TCF7: variants seen among roughly 807,000 people sequenced by gnomAD.
The protein encoded by TCF7 is transcription factor 7.
TCF7 carries 19 observed loss-of-function variants against 46.8 expected under a neutral mutation model. The ratio of observed to expected loss-of-function variants is 0.41; its 90% CI spans 0.28 to 0.60. TCF7 has a LOEUF of 0.60. Among genes scored for constraint, TCF7 ranks in the 20% least tolerant of loss-of-function variants. The probability of loss-of-function intolerance (pLI) is 0.35; values close to 1 mark genes in which losing one functional copy is unlikely to be tolerated. For missense variants in TCF7, 547 were observed against 504.6 expected (o/e 1.08, Z -0.81); for synonymous variants, 245 against 213.4 (o/e 1.15, Z -1.29).
chr5:134,119,232 C>T (rs564051232), intron 3 of TCF7, among the ~76,000 whole-genome samples: 6 of 152,304 alleles, frequency 3.9e-5, no homozygotes, highest in African/African-American at 1.2e-4. Context: ...GAGTCTGTAG[C>T]TTAGACAGAT....
intron 3 of TCF7, among the ~76,000 whole-genome samples, chr5:134,122,984 G>A (rs534406843): frequency 6.6e-6 from 1 of 152,318 alleles, no homozygotes; most frequent in African/African-American, 2.4e-5. Context: ...TTGGCTGGGT[G>A]GCCCTGGGTG....
chr5:134,132,511 C>T (rs1758270940), intron 3 of TCF7, among the ~76,000 whole-genome samples: 1 of 152,204 alleles, frequency 6.6e-6, no homozygotes, highest in African/African-American at 2.4e-5. Context: ...TATCCCCTAC[C>T]CCCCACAGGC....
intron 3 of TCF7, among the ~76,000 whole-genome samples, chr5:134,119,767 G>A (rs561059082): frequency 4.0e-4 from 61 of 152,378 alleles, no homozygotes; most frequent in African/African-American, 8.7e-4. Flanking sequence ...GCTGATGCAC[G>A]GCCAGCCTGT....
At chr5:134,122,852 T>A (rs1756795965) in intron 3 of TCF7, among the ~76,000 whole-genome samples, 1 of 152,188 alleles carries the variant, frequency 6.6e-6, no homozygotes, top group Non-Finnish European at 1.5e-5. Flanking sequence ...ATCCTCCTGC[T>A]GCAGGTGGGG....
At chr5:134,115,715 G>A in intron 2 of TCF7, 194 bp from the exon 3 acceptor site, 1 of 1,433,286 alleles carries the variant, frequency 7.0e-7, no homozygotes, top group Non-Finnish European at 9.1e-7. Context: ...GTCAAGTAGG[G>A]GCCACCTCGG....
In TCF7 at chr5:134,146,288, G is replaced by T; in HGVS notation, c.1140G>T (p.Pro380=). ...CCGCTGCCCCAGCCCCGTTCCTTCCGATGACAGTGCTCTAGGCTGCCCCGG... is the reference window on the plus strand; with the variant it reads ...CCGCTGCCCCAGCCCCGTTCCTTCCTATGACAGTGCTCTAGGCTGCCCCGG... The part of the protein sequence containing the change: ...EKAAAPAPFL[P]MTVL Residue 380 remains proline, a synonymous_variant, in exon 10 of 10, where the codon CCG becomes CCT. Coordinates refer to ENST00000342854, the MANE Select transcript of TCF7 (RefSeq NM_003202.5). 1 of 1,614,118 alleles carries T rather than the reference G, an allele frequency of 6.2e-7. No individual in the cohort carries two copies. Among genetic ancestry groups the T allele is most frequent in the Non-Finnish European group, 8.5e-7 (1 of 1,180,004 alleles).
intron 3 of TCF7, among the ~76,000 whole-genome samples, chr5:134,117,157 G>A (rs895235683): frequency 6.6e-6 from 1 of 152,236 alleles, no homozygotes; most frequent in African/African-American, 2.4e-5. Context: ...TGCCCTTTGG[G>A]CCCTTATCTG....
At chr5:134,122,808 CA>C (rs1321125323) in intron 3 of TCF7, among the ~76,000 whole-genome samples, 1 of 152,168 alleles carries the variant, frequency 6.6e-6, no homozygotes, top group Admixed American at 6.5e-5. Context: ...TATCAGGTCA[CA>C]GGGGCCCCCA....
chr5:134,135,917 T>G (rs1758792970), intron 3 of TCF7, among the ~76,000 whole-genome samples: 1 of 152,112 alleles, frequency 6.6e-6, no homozygotes, highest in African/African-American at 2.4e-5. Flanking sequence ...TTCAAGGAAG[T>G]GGGAGAAACC....
intron 3 of TCF7, among the ~76,000 whole-genome samples, chr5:134,119,245 C>T (rs892325585): frequency 1.3e-5 from 2 of 152,070 alleles, no homozygotes; most frequent in African/African-American, 4.8e-5. Context: ...AGACAGATGC[C>T]GAGCCTTTTG....
rs1561700168 is a variant in TCF7 at position 134,143,647 on chromosome 5, CCTT to C, written c.1075+10_1075+12del. On this transcript the variant is annotated splice_region_variant and intron_variant, in intron 9 of 9. Coordinates refer to ENST00000342854, the MANE Select transcript of TCF7 (RefSeq NM_003202.5). ...CACCAAGAATCCACCACAGGTGAGA[CCTT>C]CTCTCAGCAGCAGTGGAGGCTCCTC... The C allele has an allele frequency of 3.1e-6, 5 of 1,613,928 alleles. No homozygotes were observed. Among genetic ancestry groups the C allele is most frequent in the African/African-American group, 1.3e-5 (1 of 75,044 alleles).
At chr5:134,110,486 A>C (rs560549019), upstream of TCF7, among the ~76,000 whole-genome samples, 5 of 152,206 alleles carry the variant, frequency 3.3e-5, no homozygotes, top group Non-Finnish European at 7.3e-5. Context: ...ACACACATGG[A>C]CACACACGCC....
chr5:134,145,404 G>C (rs1017572324), intron 9 of TCF7: 2 of 561,198 alleles, frequency 3.6e-6, no homozygotes, highest in Non-Finnish European at 6.9e-6. Flanking sequence ...CTGGGGGAGA[G>C]GACCCAGGGG....
intron 3 of TCF7, among the ~76,000 whole-genome samples, chr5:134,134,969 T>C (rs1342710505): frequency 1.3e-5 from 2 of 152,136 alleles, no homozygotes; most frequent in East Asian, 3.9e-4. Context: ...GCTTTACTTA[T>C]TTGAGACAGC....
rs765335299 is a variant in TCF7 at position 134,144,776 on chromosome 5, C to A, written c.1075+1136C>A. The A allele has an allele frequency of 3.7e-6, 6 of 1,611,606 alleles. No homozygotes were observed. In the Admixed American group the frequency reaches 8.3e-5, roughly 22 times the overall value. ...GCTCGCCCTCTGCCCTGCTCTACCCCTCTGGCATGGCTGTGAGCAGACCCT... is the reference window on the plus strand; with the variant it reads ...GCTCGCCCTCTGCCCTGCTCTACCCATCTGGCATGGCTGTGAGCAGACCCT... On this transcript the variant is annotated intron_variant, in intron 9 of 9. Transcript: ENST00000342854.
chr5:134,131,561 G>A (rs1290967971), intron 3 of TCF7, among the ~76,000 whole-genome samples: 2 of 152,198 alleles, frequency 1.3e-5, no homozygotes, highest in African/African-American at 4.8e-5. Context: ...AGGGACCTGA[G>A]GGAAGAAGTC....
intron 3 of TCF7, among the ~76,000 whole-genome samples, chr5:134,126,894 C>T (rs555138151): frequency 6.8e-6 from 1 of 147,218 alleles, no homozygotes; most frequent in East Asian, 2.0e-4. Flanking sequence ...TAGACTCTAT[C>T]TCAAAAAAAA....
At chr5:134,116,513 G>A (rs755071799) in intron 3 of TCF7, among the ~76,000 whole-genome samples, 9 of 152,230 alleles carry the variant, frequency 5.9e-5, no homozygotes, top group Non-Finnish European at 8.8e-5. Context: ...GTGTTCGGTC[G>A]GCTGTGTCCT....
intron 3 of TCF7, among the ~76,000 whole-genome samples, chr5:134,134,617 C>T (rs1758601099): frequency 6.6e-6 from 1 of 152,180 alleles, no homozygotes; most frequent in South Asian, 2.1e-4. Flanking sequence ...GCTCCTTCTC[C>T]CTGGAACTTT....
Sources: gnomAD v4.1 joint callset for allele counts (sites outside exome capture counted in the v4.1 genomes callset) on GRCh38, gnomAD v4.1.1 for gene constraint, MANE v1.5 for transcripts, NCBI Gene and HGNC (gene_info 2026-07-23, HGNC 2026-07-21) for gene names.